The following ZBTB20 variants were observed in gnomAD, a reference collection of about 807,000 sequenced individuals.
ZBTB20 encodes zinc finger and BTB domain containing 20, also known as zinc finger and BTB domain-containing protein 20.
Under a neutral mutation model 56.9 loss-of-function variants are expected in ZBTB20, and 9 were observed. The ratio of observed to expected loss-of-function variants is 0.16; its 90% CI spans 0.10 to 0.28. ZBTB20 has a LOEUF of 0.28. Ranked by LOEUF, ZBTB20 falls within the 10% of genes least tolerant of loss-of-function variation. The probability of loss-of-function intolerance (pLI) is 1.00; values close to 1 mark genes in which losing one functional copy is unlikely to be tolerated. For missense variants in ZBTB20, 655 were observed against 1,003.0 expected, an observed-to-expected ratio of 0.65 and a Z score of 4.69; for synonymous variants, 417 against 420.7, an observed-to-expected ratio of 0.99 and a Z score of 0.11.
intron 2 of ZBTB20, among the ~76,000 whole-genome samples, chr3:115,055,638 GTAAAGA>G (rs2081748555): frequency 6.6e-6 from 1 of 152,144 alleles, no homozygotes; most frequent in Non-Finnish European, 1.5e-5. Flanking sequence ...TCGCATTGTT[GTAAAGA>G]TAAAGAATAT....
chr3:114,640,763 G>GAGAA lies in ZBTB20; in HGVS notation c.-295+52761_-295+52764dup, dbSNP rs530507369. 4.5e-3 allele frequency among the ~76,000 whole-genome samples: 684 copies of GAGAA among 152,126 alleles called. 5 individuals carry two copies. Among genetic ancestry groups the GAGAA allele is most frequent in the Middle Eastern group, 0.01 (3 of 294 alleles). On this transcript the variant is annotated intron_variant, in intron 6 of 11. Transcript: ENST00000675478. ...GACTCTATTGGCCAACTTCTATAAA[G>GAGAA]AGAAAGAGATAAACTAAAACATTAT...
At chr3:114,910,449 G>A (rs575583592) in intron 3 of ZBTB20, among the ~76,000 whole-genome samples, 3 of 151,786 alleles carry the variant, frequency 2.0e-5, no homozygotes, top group African/African-American at 7.2e-5. Context: ...TCTTGTATAA[G>A]GCCCTTGAAC....
intron 10 of ZBTB20, among the ~76,000 whole-genome samples, chr3:114,355,658 T>C (rs1184649116): frequency 6.6e-6 from 1 of 152,202 alleles, no homozygotes; most frequent in Non-Finnish European, 1.5e-5. Context: ...TGGGCATTAA[T>C]GTATAGATTC....
intron 2 of ZBTB20, among the ~76,000 whole-genome samples, chr3:115,064,925 T>C (rs906706162): frequency 2.0e-5 from 3 of 152,176 alleles, no homozygotes; most frequent in African/African-American, 7.2e-5. Flanking sequence ...CATCTTGGTG[T>C]GGAATTGCTT....
chr3:114,996,781 T>A (rs2079045283), intron 2 of ZBTB20, among the ~76,000 whole-genome samples: 1 of 151,946 alleles, frequency 6.6e-6, no homozygotes, highest in East Asian at 2.0e-4. Context: ...TAGTTCTAGA[T>A]ACAAGATAAA....
At chr3:114,775,277 C>T (rs2069509295) in intron 5 of ZBTB20, among the ~76,000 whole-genome samples, 1 of 152,070 alleles carries the variant, frequency 6.6e-6, no homozygotes, top group African/African-American at 2.4e-5. Context: ...TTGTACTCTT[C>T]CCCAAGATCC....
intron 6 of ZBTB20, among the ~76,000 whole-genome samples, chr3:114,623,406 C>G (rs970000654): frequency 6.6e-6 from 1 of 152,110 alleles, no homozygotes; most frequent in Non-Finnish European, 1.5e-5. Flanking sequence ...ACTGTGAGGA[C>G]AGTCATTTAG....
At chr3:114,603,866 T>C (rs1236361083) in intron 6 of ZBTB20, among the ~76,000 whole-genome samples, 11 of 151,974 alleles carry the variant, frequency 7.2e-5, no homozygotes, top group African/African-American at 1.7e-4. Context: ...ACCAATACAA[T>C]TGGCAAAAAT....
At chr3:114,360,703 CCTT>C in intron 10 of ZBTB20, among the ~76,000 whole-genome samples, 1 of 152,030 alleles carries the variant, frequency 6.6e-6, no homozygotes, top group Non-Finnish European at 1.5e-5. Context: ...GGAGTAAAGA[CCTT>C]CTATCCCAAA....
chr3:114,604,106 T>C (rs1490783978), intron 6 of ZBTB20, among the ~76,000 whole-genome samples: 2 of 152,102 alleles, frequency 1.3e-5, no homozygotes, highest in Non-Finnish European at 2.9e-5. Context: ...GGTTGTTCAC[T>C]GTAATATTGT....
intron 5 of ZBTB20, among the ~76,000 whole-genome samples, chr3:114,783,774 G>A (rs373059180): frequency 3.7e-5 from 5 of 136,742 alleles, no homozygotes; most frequent in African/African-American, 1.4e-4. Context: ...GCCTGGTGAC[G>A]GAGCAAGACT....
intron 1 of ZBTB20, among the ~76,000 whole-genome samples, chr3:115,119,265 T>G (rs2084112085): frequency 3.3e-5 from 5 of 152,198 alleles, no homozygotes; most frequent in Non-Finnish European, 5.9e-5. Context: ...TCAGATTGCT[T>G]AAGTTCAAAT....
intron 6 of ZBTB20, among the ~76,000 whole-genome samples, chr3:114,633,825 A>T (rs1033936769): frequency 1.3e-5 from 2 of 152,216 alleles, no homozygotes; most frequent in African/African-American, 4.8e-5. Context: ...CCAAATCTAG[A>T]GATGAAAAAT....
chr3:114,542,899 G>A (rs1024117990), intron 6 of ZBTB20, among the ~76,000 whole-genome samples: 1 of 152,164 alleles, frequency 6.6e-6, no homozygotes, highest in African/African-American at 2.4e-5. Flanking sequence ...GTTCCTGGGA[G>A]TACTATAATA....
chr3:114,528,103 A>C (rs1193100583), intron 6 of ZBTB20, among the ~76,000 whole-genome samples: 4 of 151,984 alleles, frequency 2.6e-5, no homozygotes, highest in Non-Finnish European at 4.4e-5. Flanking sequence ...ATGATTTTTA[A>C]AAGTAGAGAA....
intron 6 of ZBTB20, among the ~76,000 whole-genome samples, chr3:114,506,898 A>G (rs2044681945): frequency 6.6e-6 from 1 of 152,162 alleles, no homozygotes; most frequent in African/African-American, 2.4e-5. Context: ...TGGGACATCT[A>G]TGTCTCTGAG....
chr3:114,752,795 A>G (rs1427107599), intron 5 of ZBTB20, among the ~76,000 whole-genome samples: 7 of 152,038 alleles, frequency 4.6e-5, no homozygotes, highest in Admixed American at 4.6e-4. Context: ...GCCACATACT[A>G]TTGTTAATTA....
intron 4 of ZBTB20, among the ~76,000 whole-genome samples, 163 bp from the exon 5 acceptor site, chr3:114,801,337 A>G (rs1472076280): frequency 1.3e-5 from 2 of 149,602 alleles, no homozygotes; most frequent in Non-Finnish European, 3.0e-5. Flanking sequence ...AAGGAAAAAA[A>G]AAAAAAAGAA....
chr3:114,908,613 G>A (rs568857144), intron 3 of ZBTB20, among the ~76,000 whole-genome samples: 10 of 151,862 alleles, frequency 6.6e-5, no homozygotes, highest in Admixed American at 2.0e-4. Context: ...TATCAAATCC[G>A]AAGAAAGGTT....
Sources: gnomAD v4.1 joint callset for allele counts (sites outside exome capture counted in the v4.1 genomes callset) on GRCh38, gnomAD v4.1.1 for gene constraint, MANE v1.5 for transcripts, NCBI Gene and HGNC (gene_info 2026-07-23, HGNC 2026-07-21) for gene names.